The following ZFHX4 variants were observed in gnomAD, a reference collection of about 807,000 sequenced individuals.
ZFHX4 encodes the protein zinc finger homeobox 4, also known as zinc finger homeobox protein 4.
Under a neutral mutation model 267.6 loss-of-function variants are expected in ZFHX4, and 56 were observed. The ratio of observed to expected loss-of-function variants is 0.21; its 90% CI spans 0.17 to 0.26. The LOEUF is 0.26. Ranked by LOEUF, ZFHX4 falls within the 10% of genes least tolerant of loss-of-function variation. The probability of loss-of-function intolerance (pLI) is 1.00; values close to 1 mark genes in which losing one functional copy is unlikely to be tolerated. For missense variants in ZFHX4, 4,332 were observed against 4,420.0 expected (o/e 0.98, Z 0.56); for synonymous variants, 1,778 against 1,665.6 (o/e 1.07, Z -1.64).
intron 4 of ZFHX4, among the ~76,000 whole-genome samples, chr8:76,794,878 T>C (rs888213367): frequency 5.0e-4 from 66 of 133,148 alleles, no homozygotes; most frequent in Admixed American, 1.5e-3. Flanking sequence ...TGTCATTGTG[T>C]GTGTGTGTGT....
chr8:76,795,651 A>G (rs1410575130), intron 4 of ZFHX4, among the ~76,000 whole-genome samples: 1 of 151,270 alleles, frequency 6.6e-6, no homozygotes, highest in Non-Finnish European at 1.5e-5. Flanking sequence ...GGTTCAAGCA[A>G]TTCTCCTGCC....
chr8:76,809,750 CT>C (rs1287269382), intron 4 of ZFHX4, among the ~76,000 whole-genome samples: 1 of 151,990 alleles, frequency 6.6e-6, no homozygotes, highest in Non-Finnish European at 1.5e-5. Context: ...AATAAATGCT[CT>C]TTTGGATTGG....
intron 4 of ZFHX4, among the ~76,000 whole-genome samples, chr8:76,820,589 G>T (rs1811623396): frequency 6.6e-6 from 1 of 152,108 alleles, no homozygotes. Context: ...TAATGATCTT[G>T]TGCCAAAATC....
At position 76,707,596 on chromosome 8, in the gene ZFHX4, G is replaced by A; in HGVS notation, c.2641G>A (p.Gly881Ser). Residue 881 changes from glycine (G) to serine (S), a missense_variant, in exon 3 of 11, where the codon GGT (glycine) becomes AGT (serine). Physicochemically the swap from Gly to Ser is moderately conservative, Grantham distance 56. This residue lies in a region of ZFHX4 where 1,195 missense variants were observed against 1,173.6 expected (regional missense o/e 1.02). Transcript: ENST00000651372. ...CCGGCTTGCCAGTGGTCAGCTAATG[G>A]GTGATGACCTGTCCCTCCTTACTGC... ...EIRLASGQLM[G>S]DDLSLLTAGE... The A allele has an allele frequency of 6.2e-7, 1 of 1,613,108 alleles. No individual in the cohort carries two copies. The highest frequency in any genetic ancestry group is 2.2e-5 in the East Asian group (1 of 44,840).
intron 1 of ZFHX4, among the ~76,000 whole-genome samples, 151 bp from the exon 2 acceptor site, chr8:76,703,892 G>A (rs992126147): frequency 1.1e-4 from 17 of 152,186 alleles, no homozygotes; most frequent in African/African-American, 2.9e-4. Flanking sequence ...TACAAAGTCC[G>A]TCTGTGATAG....
intron 3 of ZFHX4, among the ~76,000 whole-genome samples, chr8:76,713,282 AAGATAGATAGATAGATAGAT>A (rs142140233): frequency 7.0e-6 from 1 of 143,070 alleles, no homozygotes; most frequent in Non-Finnish European, 1.5e-5. Context: ...GATAGATAGA[AAGATAGATAGATAGATAGAT>A]AGATAGATAG....
rs751746312 is a variant in ZFHX4 at position 76,708,129 on chromosome 8, A to G, written c.3093+81A>G. ...TCAGAGCTTGGAGCACAAGTCTCCA[A>G]CTTAAGGAAAAAAAAAGAGAAAAAA... On this transcript the variant is annotated intron_variant, in intron 3 of 10. Transcript: ENST00000651372. The G allele has an allele frequency of 8.3e-6, 13 of 1,564,186 alleles. No homozygotes were observed. The South Asian group carries it at 1.5e-4, about 18-fold the overall frequency.
intron 5 of ZFHX4, among the ~76,000 whole-genome samples, chr8:76,835,505 T>C (rs560369902): frequency 6.6e-6 from 1 of 151,878 alleles, no homozygotes; most frequent in South Asian, 2.1e-4. Flanking sequence ...ATACTTAAAA[T>C]AAAAACAATT....
intron 1 of ZFHX4, among the ~76,000 whole-genome samples, chr8:76,690,130 G>C (rs1295391530): frequency 6.6e-6 from 1 of 152,128 alleles, no homozygotes; most frequent in East Asian, 1.9e-4. Flanking sequence ...GGTATGCACT[G>C]TAGGACATAC....
intron 4 of ZFHX4, among the ~76,000 whole-genome samples, chr8:76,797,804 A>G (rs1282249280): frequency 6.6e-6 from 1 of 152,034 alleles, no homozygotes; most frequent in Non-Finnish European, 1.5e-5. Context: ...TGTAACTATA[A>G]GAGGTATTTT....
chr8:76,849,998 T>G (rs1319566449), intron 8 of ZFHX4: 1 of 570,852 alleles, frequency 1.8e-6, no homozygotes, highest in Non-Finnish European at 3.1e-6. Context: ...ATTTCAAACT[T>G]GCTTCATTAT....
chr8:76,685,512 C>T (rs192506536), intron 1 of ZFHX4, among the ~76,000 whole-genome samples: 42 of 151,986 alleles, frequency 2.8e-4, no homozygotes, highest in African/African-American at 6.0e-4. Flanking sequence ...AGCCCGTGTT[C>T]GATTAAGAAC....
chr8:76,855,089 G>A lies in ZFHX4; in HGVS notation c.8168G>A (p.Ser2723Asn). Reference protein sequence around the residue: ...PLISTEDGGESPQKYIYFDYP... With the variant: ...PLISTEDGGENPQKYIYFDYP... ...ATATCCACCGAAGATGGGGGAGAAA[G>A]CCCACAGAAATACATCTATTTTGAT... Residue 2723 changes from serine to asparagine, a missense_variant, in exon 10 of 11, where the codon AGC (serine) becomes AAC (asparagine). Around this residue, in one of 7 missense-constraint regions of ZFHX4, gnomAD observed 1,648 missense variants for 1,625.0 expected, o/e 1.01. Transcript: ENST00000651372. 1 of 1,613,800 alleles carries A rather than the reference G, an allele frequency of 6.2e-7. No homozygotes were observed. Among genetic ancestry groups the A allele is most frequent in the Non-Finnish European group, 8.5e-7 (1 of 1,179,816 alleles).
At position 76,854,829 on chromosome 8, in the gene ZFHX4, T is replaced by C. The variant is rs774611620; in HGVS notation, c.7908T>C (p.Asp2636=). 3 of 1,610,672 alleles carry C rather than the reference T, an allele frequency of 1.9e-6. No homozygotes were observed. The highest frequency in any genetic ancestry group is 2.5e-6 in the Non-Finnish European group (3 of 1,178,946). ...LDSNPTRKML[D]HIAREVGLKK... ...CCAATCCTACCAGAAAAATGCTTGA[T>C]CATATTGCCCGCGAAGTCGGGCTGA... The change falls in exon 10 of 11, where the codon GAT becomes GAC. Residue 2636 remains aspartate (D), a synonymous_variant. Transcript: ENST00000651372.
Position 76,704,518 on chromosome 8 carries a change from G to T in ZFHX4, c.430G>T (p.Asp144Tyr), listed in dbSNP as rs748504885. 3.7e-6 allele frequency: 6 copies of T among 1,613,888 alleles called. No homozygotes were observed. The highest frequency in any genetic ancestry group is 5.1e-6 in the Non-Finnish European group (6 of 1,179,866). Reference protein sequence around the residue: ...QPDGSAYIIEDSKESGQNAQT... With the variant: ...QPDGSAYIIEYSKESGQNAQT... ...TGATGGGTCAGCATATATAATTGAG[G>T]ACTCCAAAGAAAGTGGGCAGAATGC... The change falls in exon 2 of 11, where the codon GAC (aspartate) becomes TAC (tyrosine). Residue 144 changes from aspartate (D) to tyrosine (Y), a missense_variant. Coordinates refer to ENST00000651372, the MANE Select transcript of ZFHX4 (RefSeq NM_024721.5).
At chr8:76,766,208 A>T (rs1810047331) in intron 3 of ZFHX4, among the ~76,000 whole-genome samples, 2 of 152,058 alleles carry the variant, frequency 1.3e-5, no homozygotes, top group African/African-American at 4.8e-5. Context: ...AGGCCAACTG[A>T]TGTCAAAAAT....
chr8:76,861,085 G>A (rs1250037338), intron 10 of ZFHX4, among the ~76,000 whole-genome samples: 1 of 152,130 alleles, frequency 6.6e-6, no homozygotes, highest in African/African-American at 2.4e-5. Context: ...AAAGATCAGA[G>A]AGTTTATTCA....
At chr8:76,764,856 C>T (rs1332260315) in intron 3 of ZFHX4, among the ~76,000 whole-genome samples, 4 of 152,174 alleles carry the variant, frequency 2.6e-5, no homozygotes, top group Non-Finnish European at 5.9e-5. Flanking sequence ...CAGTGCCTCC[C>T]TATTGTTCCA....
intron 3 of ZFHX4, among the ~76,000 whole-genome samples, chr8:76,758,275 T>C (rs1251251828): frequency 3.3e-5 from 5 of 152,064 alleles, no homozygotes; most frequent in Admixed American, 6.5e-5. Flanking sequence ...CAACTTTCAA[T>C]TGTAGCTCTG....
Sources: allele counts gnomAD v4.1 joint callset (sites outside exome capture counted in the v4.1 genomes callset), GRCh38; gene constraint gnomAD v4.1.1; regional missense constraint gnomAD v4.1.1; transcripts MANE v1.5; gene names NCBI Gene and HGNC (gene_info 2026-07-23, HGNC 2026-07-21).